Variants in DYNC1LI1 observed in about 807,000 individuals in gnomAD.
The protein encoded by DYNC1LI1 is cytoplasmic dynein 1 light intermediate chain 1.
In DYNC1LI1, 19 loss-of-function variants were observed where a neutral mutation model predicts 63.8. That is an observed-to-expected ratio of 0.30 (90% CI 0.21 to 0.44). The LOEUF (loss-of-function observed/expected upper bound fraction) is 0.44, where lower values mean the gene tolerates loss of function less well. DYNC1LI1 is among the 20% of genes least tolerant of loss of function. The pLI is 1.00. For synonymous variants in DYNC1LI1, 225 were observed against 232.3 expected, an observed-to-expected ratio of 0.97 and a Z score of 0.28; for missense variants, 565 against 630.2, an observed-to-expected ratio of 0.90 and a Z score of 1.11.
intron 2 of DYNC1LI1, among the ~76,000 whole-genome samples, chr3:32,564,803 C>G (rs1369096850): frequency 6.6e-6 from 1 of 152,146 alleles, no homozygotes; most frequent in Non-Finnish European, 1.5e-5. Flanking sequence ...CCCAGCTCCT[C>G]ACCAAATCAA....
Position 32,570,381 on chromosome 3 carries a change from G to C in DYNC1LI1, c.185C>G (p.Ser62Cys). Reference sequence around the variant, plus strand: ...CACGTTCTTCCCCGCAGGGAGCTTGGAGCGCGAGCGGGTGGAGACCTCGCT... The same window carrying C: ...CACGTTCTTCCCCGCAGGGAGCTTGCAGCGCGAGCGGGTGGAGACCTCGCT... ...ILSEVSTRSRSKLPAGKNVLL... is the reference protein window; with the variant it reads ...ILSEVSTRSRCKLPAGKNVLL... The change falls in exon 2 of 13, where the codon TCC becomes TGC. Residue 62 changes from serine (S) to cysteine (C), a missense_variant. Coordinates refer to ENST00000273130, the MANE Select transcript of DYNC1LI1 (RefSeq NM_016141.4). 1 of 1,606,434 alleles carries C rather than the reference G, an allele frequency of 6.2e-7. No homozygotes were observed. Among genetic ancestry groups the C allele is most frequent in the Non-Finnish European group, 8.5e-7 (1 of 1,177,408 alleles).
intron 2 of DYNC1LI1, among the ~76,000 whole-genome samples, chr3:32,549,519 C>CA (rs1236127351): frequency 2.6e-5 from 4 of 151,984 alleles, no homozygotes; most frequent in African/African-American, 9.7e-5. Context: ...GATTATCCCA[C>CA]AAAAACAATG....
Position 32,570,381 on chromosome 3 carries a change from G to A in DYNC1LI1, c.185C>T (p.Ser62Phe). ...CACGTTCTTCCCCGCAGGGAGCTTG[G>A]AGCGCGAGCGGGTGGAGACCTCGCT... ...ILSEVSTRSR[S>F]KLPAGKNVLL... The change falls in exon 2 of 13, where the codon TCC becomes TTC. Residue 62 changes from serine to phenylalanine, a missense_variant. Transcript: ENST00000273130. 6.2e-7 allele frequency: 1 copy of A among 1,606,434 alleles called. No individual in the cohort carries two copies. The highest frequency in any genetic ancestry group is 8.5e-7 in the Non-Finnish European group (1 of 1,177,408).
At position 32,526,225 on chromosome 3, in the gene DYNC1LI1, A is replaced by G. The variant is rs1453369536; in HGVS notation, c.*574T>C. The G allele has an allele frequency of 6.6e-6, 1 of 152,586 alleles. No homozygotes were observed. The highest frequency in any genetic ancestry group is 1.5e-5 in the Non-Finnish European group (1 of 68,018). 9.5% of individuals were successfully genotyped at this position (152,586 alleles called of 1,614,324 possible). A position where few individuals can be genotyped will look rare whatever the true frequency, so the allele number is the denominator to read the frequency against. On this transcript the variant is annotated 3_prime_UTR_variant, in exon 13 of 13. Transcript: ENST00000273130. ...ATTTCTAAATCATATTTTGATGACA[A>G]CTTACAGGATCAGTGATTGAGACAA...
Position 32,545,908 on chromosome 3 carries a change from T to C in DYNC1LI1, c.278A>G (p.Tyr93Cys), listed in dbSNP as rs1332740715. Residue 93 changes from tyrosine (Y) to cysteine (C), a missense_variant, in exon 3 of 13, where the codon TAT (tyrosine) becomes TGT (cysteine). Physicochemically the swap from Tyr to Cys is radical, Grantham distance 194. Coordinates refer to ENST00000273130, the MANE Select transcript of DYNC1LI1 (RefSeq NM_016141.4). ...ATATTCCAATCCTCTTCCTTTCTTA[T>C]ACTCCTCTATTCCCTGAATTTTTCT... ...LIRKIQGIEE[Y>C]KKGRGLEYLY... 1.2e-6 allele frequency: 2 copies of C among 1,613,336 alleles called. No homozygotes were observed. The highest frequency in any genetic ancestry group is 2.2e-5 in the South Asian group (2 of 91,058).
At chr3:32,558,390 C>T (rs1224857572) in intron 2 of DYNC1LI1, among the ~76,000 whole-genome samples, 1 of 136,598 alleles carries the variant, frequency 7.3e-6, no homozygotes, top group Non-Finnish European at 1.5e-5. Context: ...ATTCCCCCAA[C>T]TCTTTAAAAA....
chr3:32,537,062 C>G lies in DYNC1LI1; in HGVS notation c.781G>C (p.Asp261His). ...GACTGAATAAAATCAAAATGTTCATCTCTGTAGTCATGTTCTTTCTCCAAT... is the reference window on the plus strand; with the variant it reads ...GACTGAATAAAATCAAAATGTTCATGTCTGTAGTCATGTTCTTTCTCCAAT... ...SVLEKEHDYR[D>H]EHFDFIQSHI... Residue 261 changes from aspartate to histidine, a missense_variant, in exon 6 of 13, where the codon GAT becomes CAT. Physicochemically the swap from Asp to His is moderately conservative, Grantham distance 81. Coordinates refer to ENST00000273130, the MANE Select transcript of DYNC1LI1 (RefSeq NM_016141.4). 1.2e-6 allele frequency: 2 copies of G among 1,600,286 alleles called. No homozygotes were observed. Among genetic ancestry groups the G allele is most frequent in the Non-Finnish European group, 1.7e-6 (2 of 1,174,632 alleles).
intron 8 of DYNC1LI1, 92 bp from the exon 9 acceptor site, chr3:32,530,612 G>T: frequency 8.4e-7 from 1 of 1,184,976 alleles, no homozygotes; most frequent in Non-Finnish European, 1.2e-6. Flanking sequence ...TTAAAAAACA[G>T]TTCAAGAATT....
At position 32,545,982 on chromosome 3, in the gene DYNC1LI1, A is replaced by G. The variant is rs747442519; in HGVS notation, c.221-17T>C. The G allele has an allele frequency of 1.5e-5, 22 of 1,486,602 alleles. No homozygotes were observed. The highest frequency in any genetic ancestry group is 2.0e-5 in the Non-Finnish European group (21 of 1,073,604). The allele number at this position is 1,486,602 out of a possible 1,614,324, so 92.1% of individuals were successfully genotyped here. A position where few individuals can be genotyped will look rare whatever the true frequency, so the allele number is the denominator to read the frequency against. ...CATCTTCACCTAGATATGTAAAAAAAGGATAAATCTTATAAATTATAACAC... is the reference window on the plus strand; with the variant it reads ...CATCTTCACCTAGATATGTAAAAAAGGGATAAATCTTATAAATTATAACAC... On this transcript the variant is annotated splice_polypyrimidine_tract_variant and intron_variant, in intron 2 of 12. Coordinates refer to ENST00000273130, the MANE Select transcript of DYNC1LI1 (RefSeq NM_016141.4).
At chr3:32,561,421 G>A (rs948232196) in intron 2 of DYNC1LI1, among the ~76,000 whole-genome samples, 2 of 151,870 alleles carry the variant, frequency 1.3e-5, no homozygotes, top group African/African-American at 4.8e-5. Context: ...GAGGTCAGGA[G>A]ATCGAGACCA....
At chr3:32,539,159 T>C (rs1697843196) in intron 5 of DYNC1LI1, among the ~76,000 whole-genome samples, 1 of 152,168 alleles carries the variant, frequency 6.6e-6, no homozygotes, top group South Asian at 2.1e-4. Flanking sequence ...GATTTCAGTG[T>C]GAGATTTTAA....
intron 2 of DYNC1LI1, among the ~76,000 whole-genome samples, chr3:32,555,752 C>G (rs1349926543): frequency 6.6e-6 from 1 of 152,136 alleles, no homozygotes; most frequent in Admixed American, 6.6e-5. Context: ...GATACACTTG[C>G]TGAAGTATTT....
At chr3:32,554,366 T>C (rs1013320201) in intron 2 of DYNC1LI1, among the ~76,000 whole-genome samples, 23 of 152,346 alleles carry the variant, frequency 1.5e-4, no homozygotes, top group South Asian at 1.2e-3. Context: ...CAAATAAATG[T>C]AGTATGTTAA....
rs59037467 is a variant in DYNC1LI1, at chr3:32,561,002, CAAAAAAAAAA to C, written c.220+9334_220+9343del. On this transcript the variant is annotated intron_variant, in intron 2 of 12. Coordinates refer to ENST00000273130, the MANE Select transcript of DYNC1LI1 (RefSeq NM_016141.4). Reference sequence around the variant, plus strand: ...GGGCAACAAGAGCAAAACTCCGTCTCAAAAAAAAAAAAAAAAAAAAAAAAAAAAAAACAAA... The same window carrying C: ...GGGCAACAAGAGCAAAACTCCGTCTCAAAAAAAAAAAAAAAAAAAAACAAA... Among the ~76,000 whole-genome samples the C allele has an allele frequency of 1.2e-3, 32 of 26,116 alleles. No individual in the cohort carries two copies. The East Asian group carries it at 0.017, about 14-fold the overall frequency. The allele number at this position is 26,116 out of a possible 152,430, so 17.1% of individuals were successfully genotyped here. A position where few individuals can be genotyped will look rare whatever the true frequency, so the allele number is the denominator to read the frequency against.
At chr3:32,528,105 T>C (rs1697644850) in intron 12 of DYNC1LI1, among the ~76,000 whole-genome samples, 2 of 35,492 alleles carry the variant, frequency 5.6e-5, no homozygotes, top group Admixed American at 1.0e-3. Context: ...AGAACAAGAC[T>C]CCATCTCAAA....
intron 5 of DYNC1LI1, among the ~76,000 whole-genome samples, chr3:32,539,907 C>G (rs936070274): frequency 1.3e-5 from 2 of 151,014 alleles, no homozygotes; most frequent in African/African-American, 4.9e-5. Flanking sequence ...CTCTGTAGCC[C>G]AGGTTGGGGT....
intron 2 of DYNC1LI1, among the ~76,000 whole-genome samples, chr3:32,546,423 T>G (rs1377177435): frequency 6.6e-6 from 1 of 151,796 alleles, no homozygotes; most frequent in Non-Finnish European, 1.5e-5. Context: ...AAAAAAAAGA[T>G]AAAAAAGATG....
At chr3:32,554,863 A>ATTTTTTTTT (rs11434502) in intron 2 of DYNC1LI1, among the ~76,000 whole-genome samples, 15 of 104,726 alleles carry the variant, frequency 1.4e-4, no homozygotes, top group African/African-American at 2.7e-4. Flanking sequence ...AAATTTTTGA[A>ATTTTTTTTT]TTTTTTTTTT....
At chr3:32,537,849 T>C (rs1415059282) in intron 5 of DYNC1LI1, among the ~76,000 whole-genome samples, 1 of 121,798 alleles carries the variant, frequency 8.2e-6, no homozygotes, top group Admixed American at 1.2e-4. Flanking sequence ...TGGGGTTAAA[T>C]CTGCTATGTA....
Sources: gnomAD v4.1 joint callset for allele counts (sites outside exome capture counted in the v4.1 genomes callset) on GRCh38, gnomAD v4.1.1 for gene constraint, MANE v1.5 for transcripts, NCBI Gene and HGNC (gene_info 2026-07-23, HGNC 2026-07-21) for gene names.